The following DACH2 variants were observed in gnomAD, a reference collection of about 807,000 sequenced individuals.
DACH2 encodes the protein dachshund homolog 2.
DACH2 carries 17 observed loss-of-function variants against 35.8 expected under a neutral mutation model. The ratio of observed to expected loss-of-function variants is 0.48; its 90% CI spans 0.33 to 0.71. DACH2 has a LOEUF of 0.71. Among genes scored for constraint, DACH2 ranks in the 30% least tolerant of loss-of-function variants. DACH2 has a pLI of 0.02. For missense variants in DACH2, 469 were observed against 472.7 expected (o/e 0.99, Z 0.07); for synonymous variants, 195 against 177.3 (o/e 1.10, Z -0.79).
intron 6 of DACH2, among the ~76,000 whole-genome samples, chrX:86,738,007 A>G (rs764562813): frequency 9.0e-6 from 1 of 111,241 alleles, no homozygotes; most frequent in South Asian, 3.8e-4. Context: ...AAAGCCAGCA[A>G]TGTTGCATCT....
At chrX:86,286,169 G>A (rs191251922) in intron 1 of DACH2, among the ~76,000 whole-genome samples, 187 of 79,250 alleles carry the variant, frequency 2.4e-3, no homozygotes, top group African/African-American at 8.1e-3. Context: ...CGCCCAGGCC[G>A]GACTGCGGAC....
intron 1 of DACH2, among the ~76,000 whole-genome samples, chrX:86,277,605 C>T (rs1251744030): frequency 3.6e-5 from 4 of 112,220 alleles, no homozygotes; most frequent in African/African-American, 1.3e-4. Context: ...AGACAACTCG[C>T]AACATCAACA....
intron 3 of DACH2, among the ~76,000 whole-genome samples, chrX:86,568,733 T>C (rs954658237): frequency 4.5e-5 from 5 of 111,561 alleles, no homozygotes; most frequent in Non-Finnish European, 7.6e-5. Context: ...GATGCACGAA[T>C]GGGGCTGTGT....
chrX:86,534,722 A>G (rs753219181), intron 3 of DACH2, among the ~76,000 whole-genome samples: 41 of 110,349 alleles, frequency 3.7e-4, no homozygotes, highest in African/African-American at 1.3e-3. Flanking sequence ...ATTTTCCTTT[A>G]TGGATTTCAT....
intron 7 of DACH2, among the ~76,000 whole-genome samples, chrX:86,741,159 A>G (rs955333638): frequency 2.7e-5 from 3 of 111,823 alleles, no homozygotes; most frequent in African/African-American, 9.7e-5. Context: ...AGCCTTTCCA[A>G]AATAATGTAT....
At chrX:86,252,234 G>A (rs1434201661) in intron 1 of DACH2, among the ~76,000 whole-genome samples, 1 of 110,083 alleles carries the variant, frequency 9.1e-6, no homozygotes, top group Admixed American at 9.7e-5. Flanking sequence ...TGTAAATTCT[G>A]GATATTAGTC....
intron 2 of DACH2, among the ~76,000 whole-genome samples, chrX:86,470,174 G>A (rs897026598): frequency 1.8e-5 from 2 of 109,806 alleles, no homozygotes; most frequent in African/African-American, 6.6e-5. Flanking sequence ...GTCTGCATGG[G>A]GCAAGAATTA....
At chrX:86,200,486 CAG>C in intron 1 of DACH2, among the ~76,000 whole-genome samples, 1 of 110,103 alleles carries the variant, frequency 9.1e-6, no homozygotes, top group South Asian at 3.8e-4. Flanking sequence ...ACAGAGTAAA[CAG>C]AGAACATACA....
At chrX:86,625,689 G>A (rs1255085930) in intron 3 of DACH2, among the ~76,000 whole-genome samples, 1 of 111,481 alleles carries the variant, frequency 9.0e-6, no homozygotes, top group Non-Finnish European at 1.9e-5. Context: ...CATTATGGAA[G>A]AAGGCAAATT....
At chrX:86,595,750 A>G (rs923814505) in intron 3 of DACH2, among the ~76,000 whole-genome samples, 1 of 108,585 alleles carries the variant, frequency 9.2e-6, no homozygotes, top group African/African-American at 3.3e-5. Context: ...ATATAGTTTT[A>G]CATATATATA....
At chrX:86,524,738 C>A (rs2038606602) in intron 3 of DACH2, among the ~76,000 whole-genome samples, 1 of 110,967 alleles carries the variant, frequency 9.0e-6, no homozygotes. Context: ...TAGGCTCCTG[C>A]CAATAATATT....
intron 3 of DACH2, among the ~76,000 whole-genome samples, chrX:86,554,036 CAT>C (rs2039085424): frequency 9.1e-6 from 1 of 110,231 alleles, no homozygotes; most frequent in Admixed American, 9.7e-5. Context: ...TGTATGCTTG[CAT>C]GTGTGTGTGT....
At chrX:86,829,626 G>A (rs957490641) in intron 11 of DACH2, 2 of 112,217 alleles carry the variant, frequency 1.8e-5, no homozygotes, top group Non-Finnish European at 3.8e-5. Flanking sequence ...GCCCAGTAAA[G>A]ATAACTCAAC....
chrX:86,666,835 T>G (rs765406533), intron 4 of DACH2, among the ~76,000 whole-genome samples: 60 of 111,424 alleles, frequency 5.4e-4, no homozygotes, highest in African/African-American at 1.9e-3. Flanking sequence ...AATCCAGATA[T>G]TGTTTCATTG....
At chrX:86,806,202 C>T (rs966640007) in intron 7 of DACH2, among the ~76,000 whole-genome samples, 2 of 111,224 alleles carry the variant, frequency 1.8e-5, no homozygotes, top group African/African-American at 3.3e-5. Context: ...AATCGTGATG[C>T]TGGCACCTGC....
At chrX:86,287,860 T>C (rs2034185035) in intron 1 of DACH2, among the ~76,000 whole-genome samples, 1 of 112,477 alleles carries the variant, frequency 8.9e-6, no homozygotes, top group South Asian at 3.6e-4. Flanking sequence ...AAAGGTCACA[T>C]ATCTCTGTTT....
At chrX:86,196,751 T>C (rs1293394924) in intron 1 of DACH2, among the ~76,000 whole-genome samples, 2 of 99,148 alleles carry the variant, frequency 2.0e-5, no homozygotes, top group Non-Finnish European at 4.1e-5. Flanking sequence ...CCTAGAAATA[T>C]GGAATTATGT....
intron 3 of DACH2, among the ~76,000 whole-genome samples, chrX:86,519,297 C>A (rs1240658259): frequency 8.9e-6 from 1 of 111,931 alleles, no homozygotes; most frequent in Non-Finnish European, 1.9e-5. Flanking sequence ...ATTCAATATG[C>A]AAGTGTTTTG....
chrX:86,626,283 T>C (rs762140415), intron 3 of DACH2, among the ~76,000 whole-genome samples: 3 of 112,788 alleles, frequency 2.7e-5, no homozygotes, highest in African/African-American at 9.7e-5. Context: ...TGATGTTTCA[T>C]ATCCAGGTCA....
Sources: gnomAD v4.1 joint callset for allele counts (sites outside exome capture counted in the v4.1 genomes callset) on GRCh38, gnomAD v4.1.1 for gene constraint, MANE v1.5 for transcripts, NCBI Gene and HGNC (gene_info 2026-07-23, HGNC 2026-07-21) for gene names.